GPR158: variants seen among roughly 807,000 people sequenced by gnomAD.
GPR158 encodes G protein-coupled receptor 158.
Under a neutral mutation model 78.2 loss-of-function variants are expected in GPR158, and 30 were observed. That is an observed-to-expected ratio of 0.38 (90% CI 0.29 to 0.52). GPR158 has a LOEUF of 0.52. Ranked by LOEUF, GPR158 falls within the 20% of genes least tolerant of loss-of-function variation. The probability of loss-of-function intolerance (pLI) is 0.83; values close to 1 mark genes in which losing one functional copy is unlikely to be tolerated. For missense variants in GPR158, 1,463 were observed against 1,523.5 expected (o/e 0.96, Z 0.66); for synonymous variants, 581 against 591.1 (o/e 0.98, Z 0.25).
chr10:25,301,699 A>G, intron 2 of GPR158, among the ~76,000 whole-genome samples: 1 of 51,152 alleles, frequency 2.0e-5, no homozygotes, highest in East Asian at 2.2e-4. Flanking sequence ...CCTTTGACAC[A>G]GATTTTTTTT....
chr10:25,596,292 AT>A (rs1272114509), intron 9 of GPR158, among the ~76,000 whole-genome samples: 1 of 152,164 alleles, frequency 6.6e-6, no homozygotes, highest in African/African-American at 2.4e-5. Context: ...CCTTTAGTTC[AT>A]GGCATCTGTG....
intron 6 of GPR158, among the ~76,000 whole-genome samples, chr10:25,558,267 C>G (rs1440417209): frequency 3.3e-5 from 5 of 152,146 alleles, no homozygotes; most frequent in African/African-American, 1.2e-4. Flanking sequence ...CTTATAAAAA[C>G]CCATCTGGTA....
chr10:25,341,897 C>T (rs530473988), intron 2 of GPR158, among the ~76,000 whole-genome samples: 10 of 151,896 alleles, frequency 6.6e-5, no homozygotes, highest in Non-Finnish European at 1.2e-4. Flanking sequence ...ATGAAGGACT[C>T]ACTTTCTGGT....
intron 4 of GPR158, among the ~76,000 whole-genome samples, chr10:25,450,361 T>G (rs2130600138): frequency 7.2e-6 from 1 of 138,778 alleles, no homozygotes; most frequent in East Asian, 2.2e-4. Flanking sequence ...GATTCATGCC[T>G]TCTTTTTTCC....
chr10:25,486,289 GCTTA>G (rs1242522083), intron 5 of GPR158, among the ~76,000 whole-genome samples: 1 of 152,052 alleles, frequency 6.6e-6, no homozygotes, highest in East Asian at 1.9e-4. Context: ...TTTAAGTCAT[GCTTA>G]CTTATCTGAA....
intron 2 of GPR158, among the ~76,000 whole-genome samples, chr10:25,373,268 A>T (rs1443191269): frequency 6.6e-6 from 1 of 151,940 alleles, no homozygotes; most frequent in Non-Finnish European, 1.5e-5. Flanking sequence ...GGGAAGCAAC[A>T]GACACTGGGG....
At chr10:25,226,321 G>A (rs964795649) in intron 2 of GPR158, among the ~76,000 whole-genome samples, 1 of 152,176 alleles carries the variant, frequency 6.6e-6, no homozygotes, top group Non-Finnish European at 1.5e-5. Context: ...CTGCTCTGCC[G>A]TAGGATATAG....
chr10:25,308,983 T>C (rs1368146371), intron 2 of GPR158, among the ~76,000 whole-genome samples: 1 of 152,242 alleles, frequency 6.6e-6, no homozygotes, highest in Admixed American at 6.5e-5. Context: ...TTTCCATGTT[T>C]TAGCTATTGT....
chr10:25,219,278 T>A (rs1428458103), intron 1 of GPR158, among the ~76,000 whole-genome samples: 1 of 152,200 alleles, frequency 6.6e-6, no homozygotes, highest in African/African-American at 2.4e-5. Flanking sequence ...TTACTGTTCC[T>A]TGGGGGTAGG....
chr10:25,188,821 G>T (rs906227237), intron 1 of GPR158, among the ~76,000 whole-genome samples: 5 of 152,086 alleles, frequency 3.3e-5, no homozygotes, highest in African/African-American at 9.7e-5. Context: ...CACAGCAAAA[G>T]AAACTACCAT....
chr10:25,327,338 A>G (rs1264853620), intron 2 of GPR158, among the ~76,000 whole-genome samples: 1 of 152,100 alleles, frequency 6.6e-6, no homozygotes. Context: ...ACCTAATTCC[A>G]TTGACTTCTC....
chr10:25,177,226 A>G (rs1347692829), intron 1 of GPR158, among the ~76,000 whole-genome samples: 2 of 152,190 alleles, frequency 1.3e-5, no homozygotes, highest in East Asian at 3.9e-4. Flanking sequence ...AACAGGTTTT[A>G]ACTTCTGCCT....
chr10:25,386,557 T>C (rs554687712), intron 2 of GPR158, among the ~76,000 whole-genome samples: 1 of 151,522 alleles, frequency 6.6e-6, no homozygotes, highest in East Asian at 1.9e-4. Context: ...ATATTAAGTC[T>C]TTCAATTCAG....
intron 1 of GPR158, among the ~76,000 whole-genome samples, chr10:25,182,952 G>A (rs559993534): frequency 6.6e-6 from 1 of 152,296 alleles, no homozygotes; most frequent in African/African-American, 2.4e-5. Context: ...CAAATAGGCA[G>A]TTCACTAGTA....
chr10:25,199,550 T>C (rs1852890994), intron 1 of GPR158, among the ~76,000 whole-genome samples: 1 of 152,104 alleles, frequency 6.6e-6, no homozygotes, highest in African/African-American at 2.4e-5. Flanking sequence ...TGAATTGTAA[T>C]CTCCAGCGTC....
chr10:25,217,113 G>C (rs185627761), intron 1 of GPR158, among the ~76,000 whole-genome samples: 2 of 152,284 alleles, frequency 1.3e-5, no homozygotes, highest in Admixed American at 1.3e-4. Context: ...CCTGGAATGG[G>C]TACTAGAAAT....
At position 25,250,832 on chromosome 10, in the gene GPR158, C is replaced by A. The variant is rs527332078; in HGVS notation, c.1008+29675C>A. Among the ~76,000 whole-genome samples, 1,107 of 150,846 alleles carry A rather than the reference C, an allele frequency of 7.3e-3. 11 individuals carry two copies. The highest frequency in any genetic ancestry group is 0.026 in the African/African-American group (1,059 of 40,634). The stretch of plus-strand genomic sequence containing the variant: ...GTTCTGTAGATGTCTATTAGGTCCG[C>A]TTGGTGCAGAGCTGAGTTCAGTTCC... On this transcript the variant is annotated intron_variant, in intron 2 of 10. Coordinates refer to ENST00000376351, the MANE Select transcript of GPR158 (RefSeq NM_020752.3).
chr10:25,185,901 C>A (rs1023896960), intron 1 of GPR158, among the ~76,000 whole-genome samples: 3 of 152,148 alleles, frequency 2.0e-5, no homozygotes, highest in African/African-American at 7.2e-5. Flanking sequence ...GAACTCTCTA[C>A]CCCAAAACAA....
At chr10:25,187,640 A>T (rs1368774915) in intron 1 of GPR158, among the ~76,000 whole-genome samples, 44 of 145,516 alleles carry the variant, frequency 3.0e-4, no homozygotes, top group African/African-American at 5.4e-4. Flanking sequence ...TCTCAAAATA[A>T]TAAGAGCTAT....
Sources: gnomAD v4.1 joint callset for allele counts (sites outside exome capture counted in the v4.1 genomes callset) on GRCh38, gnomAD v4.1.1 for gene constraint, MANE v1.5 for transcripts, NCBI Gene and HGNC (gene_info 2026-07-23, HGNC 2026-07-21) for gene names.